The following KCNT2 variants were observed in gnomAD, a reference collection of about 807,000 sequenced individuals.
KCNT2 encodes the protein potassium sodium-activated channel subfamily T member 2.
KCNT2 carries 67 observed loss-of-function variants against 153.8 expected under a neutral mutation model. That is an observed-to-expected ratio of 0.44 (90% CI 0.36 to 0.53). The LOEUF is 0.53. Ranked by LOEUF, KCNT2 falls within the 20% of genes least tolerant of loss-of-function variation. KCNT2 has a pLI of 0.00. For synonymous variants in KCNT2, 500 were observed against 458.8 expected (o/e 1.09, Z -1.15); for missense variants, 975 against 1,354.8 (o/e 0.72, Z 4.40).
chr1:196,513,600 G>T (rs1022577184), intron 1 of KCNT2, among the ~76,000 whole-genome samples: 4 of 152,118 alleles, frequency 2.6e-5, no homozygotes, highest in Admixed American at 6.6e-5. Flanking sequence ...CGTTAACTAA[G>T]CTCTCTTTTG....
chr1:196,295,721 C>T (rs1389282874), intron 22 of KCNT2, among the ~76,000 whole-genome samples: 2 of 151,786 alleles, frequency 1.3e-5, no homozygotes, highest in African/African-American at 4.8e-5. Flanking sequence ...GCATACAAAC[C>T]ATCATTCAAG....
At chr1:196,503,923 C>T (rs1405508646) in intron 1 of KCNT2, among the ~76,000 whole-genome samples, 2 of 152,054 alleles carry the variant, frequency 1.3e-5, no homozygotes, top group Non-Finnish European at 2.9e-5. Context: ...TTTAAGATTT[C>T]TCTTAGTATG....
At chr1:196,469,535 T>G (rs1473899776) in intron 5 of KCNT2, among the ~76,000 whole-genome samples, 4 of 152,202 alleles carry the variant, frequency 2.6e-5, no homozygotes, top group Non-Finnish European at 5.9e-5. Flanking sequence ...AAAGGACTTT[T>G]TCAATCATCT....
intron 14 of KCNT2, among the ~76,000 whole-genome samples, chr1:196,358,544 T>A (rs1256527217): frequency 6.6e-6 from 1 of 151,886 alleles, no homozygotes; most frequent in Non-Finnish European, 1.5e-5. Context: ...TTCAAAATAG[T>A]CTTCTAAATT....
At chr1:196,583,990 C>CA (rs1662363676) in intron 1 of KCNT2, among the ~76,000 whole-genome samples, 2 of 151,850 alleles carry the variant, frequency 1.3e-5, no homozygotes, top group Non-Finnish European at 2.9e-5. Context: ...GATGTTGCCA[C>CA]GTAAGTTTCC....
chr1:196,378,515 C>A (rs532123171), intron 13 of KCNT2, among the ~76,000 whole-genome samples: 1 of 151,480 alleles, frequency 6.6e-6, no homozygotes, highest in Non-Finnish European at 1.5e-5. Flanking sequence ...GTTTTAGTGG[C>A]GCTATATGAA....
intron 12 of KCNT2, among the ~76,000 whole-genome samples, chr1:196,399,232 C>T (rs897047281): frequency 6.6e-6 from 1 of 151,296 alleles, no homozygotes; most frequent in Non-Finnish European, 1.5e-5. Flanking sequence ...CAAAACCATG[C>T]TTAACACGAA....
rs533013613 is a variant in KCNT2 at position 196,277,831 on chromosome 1, C to A, written c.2910+3029G>T. Among the ~76,000 whole-genome samples, 19 of 151,952 alleles carry A rather than the reference C, an allele frequency of 1.3e-4. No homozygotes were observed. The South Asian group carries it at 3.7e-3, about 30-fold the overall frequency. On this transcript the variant is annotated intron_variant, in intron 25 of 27. Coordinates refer to ENST00000294725, the MANE Select transcript of KCNT2 (RefSeq NM_198503.5). ...TTAGATCCACTAAGCTCTTATTCTG[C>A]GTTTTTATATAATCTTAAAAAAATA...
intron 1 of KCNT2, among the ~76,000 whole-genome samples, chr1:196,584,337 TAAG>T (rs1404212528): frequency 6.6e-6 from 1 of 152,056 alleles, no homozygotes; most frequent in Non-Finnish European, 1.5e-5. Context: ...GTATAATTTG[TAAG>T]AAGAGGGGTA....
chr1:196,501,244 A>G (rs539925475), intron 1 of KCNT2, among the ~76,000 whole-genome samples: 1 of 152,198 alleles, frequency 6.6e-6, no homozygotes, highest in African/African-American at 2.4e-5. Flanking sequence ...TATCAAAAAG[A>G]TACAAGTACT....
intron 21 of KCNT2, among the ~76,000 whole-genome samples, chr1:196,313,348 C>A (rs1289243467): frequency 6.6e-6 from 1 of 151,482 alleles, no homozygotes; most frequent in East Asian, 1.9e-4. Context: ...TAGGCTATGA[C>A]CATGAGAATG....
intron 27 of KCNT2, among the ~76,000 whole-genome samples, chr1:196,235,559 C>G (rs1457346440): frequency 6.6e-6 from 1 of 151,148 alleles, no homozygotes; most frequent in African/African-American, 2.4e-5. Context: ...TGTACATGTT[C>G]AATAATTATT....
At position 196,482,323 on chromosome 1, in the gene KCNT2, T is replaced by A; in HGVS notation, c.324+8A>T. ...GAGATATAGGGATAAAACAAAATTG[T>A]ACATAACCTGTAAGCCCCACAAAGG... On this transcript the variant is annotated splice_region_variant and intron_variant, in intron 4 of 27. Coordinates refer to ENST00000294725, the MANE Select transcript of KCNT2 (RefSeq NM_198503.5). 6.4e-7 allele frequency: 1 copy of A among 1,565,250 alleles called. No homozygotes were observed. Among genetic ancestry groups the A allele is most frequent in the South Asian group, 1.2e-5 (1 of 85,720 alleles).
chr1:196,460,450 T>A (rs1292722583), intron 8 of KCNT2, among the ~76,000 whole-genome samples: 1 of 151,756 alleles, frequency 6.6e-6, no homozygotes, highest in Non-Finnish European at 1.5e-5. Context: ...AGAATGCTAT[T>A]TTCTATCAAT....
chr1:196,488,272 G>C (rs989185606), intron 3 of KCNT2, among the ~76,000 whole-genome samples: 5 of 151,866 alleles, frequency 3.3e-5, no homozygotes, highest in Non-Finnish European at 5.9e-5. Flanking sequence ...TTTTAAAATA[G>C]AGCCTGCACC....
chr1:196,395,738 T>G (rs545617083), intron 13 of KCNT2, among the ~76,000 whole-genome samples: 1 of 151,736 alleles, frequency 6.6e-6, no homozygotes, highest in South Asian at 2.1e-4. Context: ...ACAAATTTAT[T>G]ATAAAAAGGA....
chr1:196,368,706 T>G (rs1176432757), intron 14 of KCNT2, among the ~76,000 whole-genome samples: 1 of 152,182 alleles, frequency 6.6e-6, no homozygotes, highest in Admixed American at 6.6e-5. Context: ...TTCCTTTTCT[T>G]CACTCTATTT....
At chr1:196,414,908 G>A (rs565250004) in intron 12 of KCNT2, among the ~76,000 whole-genome samples, 206 of 151,972 alleles carry the variant, frequency 1.4e-3, no homozygotes, top group Non-Finnish European at 2.4e-3. Flanking sequence ...GCTGTGTACT[G>A]GAAGCACATA....
At chr1:196,276,273 A>G (rs1287309930) in intron 25 of KCNT2, among the ~76,000 whole-genome samples, 1 of 152,032 alleles carries the variant, frequency 6.6e-6, no homozygotes, top group Non-Finnish European at 1.5e-5. Context: ...ATATATAGGT[A>G]TGTGGTTAGT....
Sources: allele counts gnomAD v4.1 joint callset (sites outside exome capture counted in the v4.1 genomes callset), GRCh38; gene constraint gnomAD v4.1.1; transcripts MANE v1.5; gene names NCBI Gene and HGNC (gene_info 2026-07-23, HGNC 2026-07-21).